Variants in KIF6 observed in about 807,000 individuals in gnomAD.
The protein encoded by KIF6 is kinesin family member 6.
Under a neutral mutation model 112.7 loss-of-function variants are expected in KIF6, and 106 were observed. The ratio of observed to expected loss-of-function variants is 0.94; its 90% CI spans 0.80 to 1.11. The LOEUF (loss-of-function observed/expected upper bound fraction) is 1.11, where lower values mean the gene tolerates loss of function less well. Ranked by LOEUF, KIF6 falls within the 50% of genes least tolerant of loss-of-function variation. The probability of loss-of-function intolerance (pLI) is 0.00; values close to 1 mark genes in which losing one functional copy is unlikely to be tolerated. For synonymous variants in KIF6, 339 were observed against 339.9 expected (o/e 1.00, Z 0.03); for missense variants, 929 against 964.0 (o/e 0.96, Z 0.48).
chr6:39,435,680 A>T (rs1169937883), intron 13 of KIF6, among the ~76,000 whole-genome samples: 1 of 152,206 alleles, frequency 6.6e-6, no homozygotes, highest in Non-Finnish European at 1.5e-5. Flanking sequence ...CTCCAGTTTC[A>T]TCCAAGATGC....
At position 39,342,322 on chromosome 6, in the gene KIF6, T is replaced by C. The variant is rs1479031705; in HGVS notation, c.2428+1387A>G. On this transcript the variant is annotated intron_variant, in intron 22 of 22. Coordinates refer to ENST00000287152, the MANE Select transcript of KIF6 (RefSeq NM_145027.6). This position sits in a 1 kb window ranked among gnomAD's most constrained non-coding sequence, Gnocchi z 4.7. Reference sequence around the variant, plus strand: ...AACATTACATAGTTTAGCTATTTCATAGCACTTATTATCCCCTCAAACAAT... The same window carrying C: ...AACATTACATAGTTTAGCTATTTCACAGCACTTATTATCCCCTCAAACAAT... Among the ~76,000 whole-genome samples, 1 of 152,246 alleles carries C rather than the reference T, an allele frequency of 6.6e-6. No individual in the cohort carries two copies. Among genetic ancestry groups the C allele is most frequent in the Non-Finnish European group, 1.5e-5 (1 of 68,054 alleles).
At chr6:39,628,842 T>TC (rs1193094631) in intron 5 of KIF6, among the ~76,000 whole-genome samples, 1 of 151,986 alleles carries the variant, frequency 6.6e-6, no homozygotes, top group Non-Finnish European at 1.5e-5. Context: ...CTTCTACCCG[T>TC]CCCCCTCAAT....
At chr6:39,432,158 T>C (rs1360125070) in intron 13 of KIF6, among the ~76,000 whole-genome samples, 2 of 152,232 alleles carry the variant, frequency 1.3e-5, no homozygotes, top group East Asian at 1.9e-4. Flanking sequence ...CAATCCTTTC[T>C]GGTGAAATGT....
At chr6:39,587,916 C>T (rs954861698) in intron 7 of KIF6, among the ~76,000 whole-genome samples, 9 of 152,340 alleles carry the variant, frequency 5.9e-5, no homozygotes, top group African/African-American at 2.2e-4. Context: ...CATCAGCAAC[C>T]TTCATTGTAC....
chr6:39,372,298 A>T (rs909168721), intron 16 of KIF6, among the ~76,000 whole-genome samples: 8 of 152,188 alleles, frequency 5.3e-5, no homozygotes, highest in Admixed American at 2.6e-4. Flanking sequence ...CCTTCAGGGC[A>T]CTTCCCTGTA....
intron 3 of KIF6, among the ~76,000 whole-genome samples, chr6:39,701,789 T>C (rs1009037330): frequency 7.2e-5 from 11 of 152,244 alleles, no homozygotes; most frequent in Admixed American, 1.3e-4. Context: ...GTGAAGAATA[T>C]TGGTTTTGCA....
In KIF6 at chr6:39,378,744, G is replaced by T. The variant is rs1766664708; in HGVS notation, c.1861+6878C>A. Among the ~76,000 whole-genome samples, 1 of 152,194 alleles carries T rather than the reference G, an allele frequency of 6.6e-6. No homozygotes were observed. The highest frequency in any genetic ancestry group is 1.5e-5 in the Non-Finnish European group (1 of 68,044). ...TTTTAACCACAGGCACCTGTTAAGG[G>T]TTTTGATTGTGAACTGAACAAGATC... is the stretch of plus-strand genomic sequence containing the variant. On this transcript the variant is annotated intron_variant, in intron 16 of 22. Transcript: ENST00000287152. This position sits in a 1 kb window ranked among gnomAD's most constrained non-coding sequence, Gnocchi z 5.0.
rs1762833790 is a variant in KIF6, at chr6:39,334,212, C to T, written c.*2320G>A. ...CCCCAGGAGGCTGGTTCACACCCCG[C>T]ATGGGGCCATGCCACACATCTCTGT... On this transcript the variant is annotated 3_prime_UTR_variant, in exon 23 of 23. Coordinates refer to ENST00000287152, the MANE Select transcript of KIF6 (RefSeq NM_145027.6). The T allele has an allele frequency of 6.6e-6, 1 of 152,252 alleles. No individual in the cohort carries two copies. Among genetic ancestry groups the T allele is most frequent in the Non-Finnish European group, 1.5e-5 (1 of 68,052 alleles). 9.4% of individuals were successfully genotyped at this position (152,252 alleles called of 1,614,324 possible).
intron 10 of KIF6, among the ~76,000 whole-genome samples, chr6:39,568,536 A>ATTTTC (rs945585031): frequency 2.0e-5 from 3 of 149,680 alleles, no homozygotes; most frequent in East Asian, 3.9e-4. Flanking sequence ...GAGATTTTTC[A>ATTTTC]TTTTCTTTTC....
At chr6:39,507,758 GGTGTAC>G (rs891548318) in intron 13 of KIF6, among the ~76,000 whole-genome samples, 1 of 140,140 alleles carries the variant, frequency 7.1e-6, no homozygotes, top group Admixed American at 7.5e-5. Context: ...CATCACACTG[GGTGTAC>G]GTAACCTGGG....
chr6:39,342,798 G>T lies in KIF6; in HGVS notation c.2428+911C>A. ...CAAGCAAGGCGAGTACAGGACCAAG[G>T]CCGGCTCTCAGTTGCGGCGCTCCAT... is the stretch of plus-strand genomic sequence containing the variant. On this transcript the variant is annotated intron_variant, in intron 22 of 22. Transcript: ENST00000287152. The surrounding 1 kb of genome is among the most constrained non-coding windows in gnomAD (Gnocchi z 4.7). The T allele has an allele frequency of 1.0e-6, 1 of 985,280 alleles. No individual in the cohort carries two copies. The highest frequency in any genetic ancestry group is 1.2e-6 in the Non-Finnish European group (1 of 829,916). 61.0% of individuals were successfully genotyped at this position (985,280 alleles called of 1,614,324 possible).
intron 22 of KIF6, among the ~76,000 whole-genome samples, chr6:39,338,386 C>T (rs1020439669): frequency 1.5e-4 from 23 of 152,232 alleles, no homozygotes; most frequent in African/African-American, 4.3e-4. Context: ...AAATAATTCA[C>T]GGCTGTGAGC....
At chr6:39,539,914 G>T in intron 13 of KIF6, 89 bp downstream of exon 13, 1 of 881,370 alleles carries the variant, frequency 1.1e-6, no homozygotes, top group Non-Finnish European at 1.8e-6. Flanking sequence ...AAGAAATTGA[G>T]CCTTCATCCT....
At position 39,596,216 on chromosome 6, in the gene KIF6, G is replaced by T. The variant is rs377434082; in HGVS notation, c.684C>A (p.Thr228=). Residue 228 remains threonine, a synonymous_variant, in exon 7 of 23, where the codon ACC becomes ACA. Coordinates refer to ENST00000287152, the MANE Select transcript of KIF6 (RefSeq NM_145027.6). ...CTGGTTCCTTGCTTGACAAATGAAT[G>T]GTGAAAATGCAGTGGGAACGGGTTG... ...QASTRSHCIF[T]IHLSSKEPGS... The T allele has an allele frequency of 1.9e-6, 3 of 1,613,816 alleles. No individual in the cohort carries two copies. In the Admixed American group the frequency reaches 5.0e-5, roughly 27 times the overall value.
chr6:39,412,494 T>C (rs1379751553), intron 15 of KIF6, among the ~76,000 whole-genome samples: 1 of 152,248 alleles, frequency 6.6e-6, no homozygotes, highest in Non-Finnish European at 1.5e-5. Context: ...TTCAATACAA[T>C]TGCAAATTAT....
intron 3 of KIF6, among the ~76,000 whole-genome samples, chr6:39,641,506 C>CG (rs1414934841): frequency 6.9e-6 from 1 of 145,804 alleles, no homozygotes; most frequent in Non-Finnish European, 1.5e-5. Flanking sequence ...GGTGGGGGGA[C>CG]GGGGGAGGGA....
chr6:39,422,295 T>A (rs1030352899), intron 14 of KIF6, among the ~76,000 whole-genome samples: 2 of 152,154 alleles, frequency 1.3e-5, no homozygotes, highest in African/African-American at 4.8e-5. Context: ...GGTGCCCAGA[T>A]GTGTCTGGGG....
intron 4 of KIF6, among the ~76,000 whole-genome samples, chr6:39,637,955 C>G (rs1784712772): frequency 6.6e-6 from 1 of 151,962 alleles, no homozygotes; most frequent in African/African-American, 2.4e-5. Flanking sequence ...ATGGTAAGTA[C>G]TAAGGAGACA....
chr6:39,345,433 C>T (rs1763623744), intron 21 of KIF6, among the ~76,000 whole-genome samples: 1 of 152,214 alleles, frequency 6.6e-6, no homozygotes, highest in Admixed American at 6.5e-5. Context: ...CCCTTTCTGG[C>T]CCCCAGGTAC....
Sources: gnomAD v4.1 joint callset for allele counts (sites outside exome capture counted in the v4.1 genomes callset) on GRCh38, gnomAD v4.1.1 for gene constraint, Gnocchi (gnomAD v3.1) non-coding constraint, MANE v1.5 for transcripts, NCBI Gene and HGNC (gene_info 2026-07-23, HGNC 2026-07-21) for gene names.